Variants in NFIB observed in about 807,000 individuals in gnomAD.
NFIB encodes the protein nuclear factor I B, also known as nuclear factor 1 B-type.
A neutral mutation model predicts 61.5 loss-of-function variants in NFIB; 11 were observed. The observed-to-expected ratio is 0.18, with a 90% CI of 0.11 to 0.30. NFIB has a LOEUF of 0.30. NFIB is among the 10% of genes least tolerant of loss of function. The probability of loss-of-function intolerance (pLI) is 1.00; values close to 1 mark genes in which losing one functional copy is unlikely to be tolerated. For synonymous variants in NFIB, 260 were observed against 216.5 expected, an observed-to-expected ratio of 1.20 and a Z score of -1.76; for missense variants, 471 against 608.9, an observed-to-expected ratio of 0.77 and a Z score of 2.38.
chr9:14,487,709 C>A, the NFIB span, among the ~76,000 whole-genome samples: 1 of 152,224 alleles, frequency 6.6e-6, no homozygotes. Context: ...ACCCCACATA[C>A]CTCCCACAGC....
Position 14,088,146 on chromosome 9 carries a change from T to C in NFIB, c.*163A>G. ...TGTCCAGTCTTCCTCTTTTCCTTTTTTTTTATTTAAAAAAAAAATTTCTTA... is the reference window on the plus strand; with the variant it reads ...TGTCCAGTCTTCCTCTTTTCCTTTTCTTTTATTTAAAAAAAAAATTTCTTA... On this transcript the variant is annotated 3_prime_UTR_variant, in exon 11 of 11. Coordinates refer to ENST00000380953, the MANE Select transcript of NFIB (RefSeq NM_001190737.2). 4 of 1,404,512 alleles carry C rather than the reference T, an allele frequency of 2.8e-6. No individual in the cohort carries two copies. The South Asian group carries it at 6.5e-5, about 23-fold the overall frequency. The allele number at this position is 1,404,512 out of a possible 1,614,324, so 87.0% of individuals were successfully genotyped here.
At chr9:14,329,338 C>A (rs2060793364) in intron 1 of NFIB, among the ~76,000 whole-genome samples, 1 of 152,006 alleles carries the variant, frequency 6.6e-6, no homozygotes, top group South Asian at 2.1e-4. Context: ...GTATGAGCAG[C>A]CTCACCATAA....
chr9:14,515,392 T>C, the NFIB span, among the ~76,000 whole-genome samples: 1 of 152,104 alleles, frequency 6.6e-6, no homozygotes, highest in South Asian at 2.1e-4. Context: ...ACCTGTAAAA[T>C]AGGAGCTCCA....
In NFIB at chr9:14,082,517, T is replaced by G. The variant is rs1193598015; in HGVS notation, c.*5792A>C. 1 of 206,550 alleles carries G rather than the reference T, an allele frequency of 4.8e-6. No individual in the cohort carries two copies. The highest frequency in any genetic ancestry group is 9.9e-6 in the Non-Finnish European group (1 of 100,916). 12.8% of individuals were successfully genotyped at this position (206,550 alleles called of 1,614,324 possible). A position where few individuals can be genotyped will look rare whatever the true frequency, so the allele number is the denominator to read the frequency against. ...AGCTTTGAGAAACCTATGCCTGGGA[T>G]GTAGTTACCCCTCACATTCTACAAT... On this transcript the variant is annotated 3_prime_UTR_variant, in exon 11 of 11. Coordinates refer to ENST00000380953, the MANE Select transcript of NFIB (RefSeq NM_001190737.2).
At chr9:14,199,758 T>C (rs755148009) in intron 2 of NFIB, among the ~76,000 whole-genome samples, 36 of 152,056 alleles carry the variant, frequency 2.4e-4, no homozygotes, top group South Asian at 6.2e-4. Flanking sequence ...CTTCAGTTCA[T>C]TGGAGGATCC....
chr9:14,436,400 C>T, the NFIB span, among the ~76,000 whole-genome samples: 1 of 152,170 alleles, frequency 6.6e-6, no homozygotes, highest in East Asian at 1.9e-4. Context: ...GGGAGCAAAA[C>T]CCTGACACAG....
rs73645036 is a variant in NFIB, at chr9:14,275,383, G to T, written c.562+31606C>A. Among the ~76,000 whole-genome samples the T allele has an allele frequency of 3.2e-3, 481 of 152,104 alleles. 2 individuals are homozygous for T. The highest frequency in any genetic ancestry group is 0.011 in the African/African-American group (451 of 41,482). Reference sequence around the variant, plus strand: ...AATTCATATCAGTTCTGGGATTTTCGTAACCATCAATCATAAAGTCATAGT... The same window carrying T: ...AATTCATATCAGTTCTGGGATTTTCTTAACCATCAATCATAAAGTCATAGT... On this transcript the variant is annotated intron_variant, in intron 2 of 10. Transcript: ENST00000380953.
intron 2 of NFIB, among the ~76,000 whole-genome samples, chr9:14,272,219 G>A (rs541801831): frequency 1.3e-5 from 2 of 152,104 alleles, no homozygotes; most frequent in African/African-American, 4.8e-5. Flanking sequence ...TCTGGAACTT[G>A]CAACTATAGC....
chr9:14,262,655 TCTC>T (rs1418937834), intron 2 of NFIB, among the ~76,000 whole-genome samples: 3 of 152,190 alleles, frequency 2.0e-5, no homozygotes, highest in African/African-American at 7.2e-5. Context: ...TGAGATGCCT[TCTC>T]CTTTCGTAAA....
the NFIB span, among the ~76,000 whole-genome samples, chr9:14,501,947 T>A: frequency 6.6e-6 from 1 of 152,202 alleles, no homozygotes; most frequent in Non-Finnish European, 1.5e-5. Context: ...TTCACATTGC[T>A]GTTCCACAGA....
chr9:14,227,263 A>G (rs758841534), intron 2 of NFIB, among the ~76,000 whole-genome samples: 20 of 152,322 alleles, frequency 1.3e-4, no homozygotes, highest in Non-Finnish European at 2.5e-4. Context: ...TCTGCCACCT[A>G]TCATTGTCTA....
At chr9:14,394,206 A>C (rs566135859) in intron 1 of NFIB, among the ~76,000 whole-genome samples, 33 of 152,314 alleles carry the variant, frequency 2.2e-4, no homozygotes, top group African/African-American at 7.9e-4. Context: ...AAATAAGTAC[A>C]AATTCAACAT....
chr9:14,120,705 A>C lies in NFIB; in HGVS notation c.1061-81T>G. ...ATTCTGATCCTGAAGAATGCTGTGA[A>C]ACTACAAAACTGGTAACCATTCATT... On this transcript the variant is annotated intron_variant, in intron 7 of 10. Coordinates refer to ENST00000380953, the MANE Select transcript of NFIB (RefSeq NM_001190737.2). This position sits in a 1 kb window ranked among gnomAD's most constrained non-coding sequence, Gnocchi z 4.4. 7.5e-7 allele frequency: 1 copy of C among 1,335,718 alleles called. No individual in the cohort carries two copies. Among genetic ancestry groups the C allele is most frequent in the Non-Finnish European group, 1.0e-6 (1 of 989,676 alleles). 82.7% of individuals were successfully genotyped at this position (1,335,718 alleles called of 1,614,324 possible). A position where few individuals can be genotyped will look rare whatever the true frequency, so the allele number is the denominator to read the frequency against.
the NFIB span, among the ~76,000 whole-genome samples, chr9:14,439,973 G>A: frequency 1.3e-5 from 2 of 152,190 alleles, no homozygotes; most frequent in Non-Finnish European, 2.9e-5. Flanking sequence ...GGTGGGAATT[G>A]GAAGGAGAGG....
intron 2 of NFIB, among the ~76,000 whole-genome samples, chr9:14,281,888 G>A (rs1250246773): frequency 1.3e-5 from 2 of 151,952 alleles, no homozygotes; most frequent in Non-Finnish European, 2.9e-5. Flanking sequence ...ACATAAGAAT[G>A]ACTAAATCCC....
At chr9:14,187,656 A>T (rs2382448) in intron 2 of NFIB, among the ~76,000 whole-genome samples, 1 of 151,940 alleles carries the variant, frequency 6.6e-6, no homozygotes, top group Non-Finnish European at 1.5e-5. Flanking sequence ...CTTAACAAGG[A>T]GATTAGGTAC....
chr9:14,173,954 G>A (rs757234659), intron 3 of NFIB, among the ~76,000 whole-genome samples: 2 of 152,164 alleles, frequency 1.3e-5, no homozygotes, highest in African/African-American at 2.4e-5. Flanking sequence ...TGAGTGGGCT[G>A]TATACAAGTT....
intron 1 of NFIB, among the ~76,000 whole-genome samples, chr9:14,371,381 C>G (rs62532823): frequency 0.2 from 30,722 of 152,030 alleles, 3,442 homozygotes; most frequent in African/African-American, 0.3. Flanking sequence ...CTTGTTGAAG[C>G]GTTTTCAGTG....
At chr9:14,361,869 T>C (rs1554717013) in intron 1 of NFIB, 1 of 152,250 alleles carries the variant, frequency 6.6e-6, no homozygotes, top group Non-Finnish European at 1.5e-5. Flanking sequence ...AGCTAATTCC[T>C]TTCCATTAAC....
Sources: gnomAD v4.1 joint callset for allele counts (sites outside exome capture counted in the v4.1 genomes callset) on GRCh38, gnomAD v4.1.1 for gene constraint, Gnocchi (gnomAD v3.1) non-coding constraint, MANE v1.5 for transcripts, NCBI Gene and HGNC (gene_info 2026-07-23, HGNC 2026-07-21) for gene names.